GLIS3: variants seen among roughly 807,000 people sequenced by gnomAD.
The protein encoded by GLIS3 is GLIS family zinc finger 3.
GLIS3 carries 53 observed loss-of-function variants against 78.6 expected under a neutral mutation model. The ratio of observed to expected loss-of-function variants is 0.67; its 90% CI spans 0.54 to 0.85. The LOEUF is 0.85. Among genes scored for constraint, GLIS3 ranks in the 40% least tolerant of loss-of-function variants. The probability of loss-of-function intolerance (pLI) is 0.00; values close to 1 mark genes in which losing one functional copy is unlikely to be tolerated. For synonymous variants in GLIS3, 684 were observed against 509.9 expected, an observed-to-expected ratio of 1.34 and a Z score of -4.60; for missense variants, 1,703 against 1,231.1, an observed-to-expected ratio of 1.38 and a Z score of -5.74.
chr9:4,277,179 T>A (rs1418746136), intron 2 of GLIS3, among the ~76,000 whole-genome samples: 1 of 152,166 alleles, frequency 6.6e-6, no homozygotes, highest in South Asian at 2.1e-4. Flanking sequence ...GTTAGCAGAC[T>A]TTTTTCATTG....
intron 2 of GLIS3, among the ~76,000 whole-genome samples, chr9:4,342,709 T>C (rs543375554): frequency 2.6e-5 from 4 of 152,368 alleles, no homozygotes; most frequent in East Asian, 1.9e-4. Context: ...TTTAACAATA[T>C]TGATTCTTCC....
At chr9:4,243,368 A>G (rs1462934382) in intron 2 of GLIS3, among the ~76,000 whole-genome samples, 1 of 142,912 alleles carries the variant, frequency 7.0e-6, no homozygotes, top group African/African-American at 2.6e-5. Context: ...CAGAACCTCC[A>G]TATACATGTT....
At chr9:4,162,642 G>C (rs974247984) in intron 2 of GLIS3, among the ~76,000 whole-genome samples, 2 of 151,916 alleles carry the variant, frequency 1.3e-5, no homozygotes, top group African/African-American at 4.8e-5. Context: ...GGCAGATCAC[G>C]AGGTCAGATC....
At chr9:4,090,009 G>C (rs963780708) in intron 4 of GLIS3, among the ~76,000 whole-genome samples, 6 of 152,162 alleles carry the variant, frequency 3.9e-5, no homozygotes, top group African/African-American at 1.4e-4. Context: ...TCTGCTCCTC[G>C]CTTGCTCCCT....
the GLIS3 span, among the ~76,000 whole-genome samples, chr9:4,408,999 AAAATT>A: frequency 6.6e-6 from 1 of 152,020 alleles, no homozygotes; most frequent in Non-Finnish European, 1.5e-5. Context: ...TAAAAATTAA[AAAATT>A]AAATATATAT....
chr9:4,146,469 T>C (rs1458478328), intron 2 of GLIS3, among the ~76,000 whole-genome samples: 1 of 152,224 alleles, frequency 6.6e-6, no homozygotes, highest in Non-Finnish European at 1.5e-5. Context: ...AGGCTGCCTA[T>C]TGCCAGTCTT....
At chr9:4,469,392 C>G in the GLIS3 span, among the ~76,000 whole-genome samples, 1 of 152,128 alleles carries the variant, frequency 6.6e-6, no homozygotes, top group Non-Finnish European at 1.5e-5. Flanking sequence ...GGAAGTAAAG[C>G]ACTCCTCAGC....
intron 1 of GLIS3, 68 bp downstream of exon 1, chr9:4,299,353 A>G (rs1351193368): frequency 6.6e-6 from 1 of 152,202 alleles, no homozygotes; most frequent in Non-Finnish European, 1.5e-5. Flanking sequence ...TAACTCCCCC[A>G]CACTCTCAAG....
the GLIS3 span, among the ~76,000 whole-genome samples, chr9:4,438,060 T>C: frequency 6.6e-6 from 1 of 152,144 alleles, no homozygotes; most frequent in Non-Finnish European, 1.5e-5. Flanking sequence ...CTTCCTATGT[T>C]TTTCAATGGT....
chr9:4,432,822 G>C, the GLIS3 span, among the ~76,000 whole-genome samples: 1 of 151,702 alleles, frequency 6.6e-6, no homozygotes, highest in African/African-American at 2.4e-5. Context: ...TGTATTTTTA[G>C]TAGAGATGCA....
At chr9:3,907,098 G>A (rs767307045) in intron 6 of GLIS3, among the ~76,000 whole-genome samples, 29 of 152,260 alleles carry the variant, frequency 1.9e-4, no homozygotes, top group Admixed American at 7.2e-4. Context: ...TCCACACTGC[G>A]CCTCTCAGGG....
At chr9:4,331,600 C>A (rs1817686184) in intron 2 of GLIS3, among the ~76,000 whole-genome samples, 2 of 152,188 alleles carry the variant, frequency 1.3e-5, no homozygotes, top group Non-Finnish European at 2.9e-5. Context: ...ATCTATGGAG[C>A]CTGTACTTGA....
At chr9:4,197,137 T>G (rs1239846961) in intron 2 of GLIS3, among the ~76,000 whole-genome samples, 1 of 152,152 alleles carries the variant, frequency 6.6e-6, no homozygotes, top group Non-Finnish European at 1.5e-5. Context: ...TAGATTGTGG[T>G]GCAGTGGGGC....
At chr9:4,288,263 A>C (rs957629438) in intron 1 of GLIS3, among the ~76,000 whole-genome samples, 2 of 152,252 alleles carry the variant, frequency 1.3e-5, no homozygotes, top group African/African-American at 4.8e-5. Flanking sequence ...TCATTGATAA[A>C]ATAGTGTTTT....
chr9:4,200,725 T>G (rs1156415853), intron 2 of GLIS3, among the ~76,000 whole-genome samples: 2 of 152,000 alleles, frequency 1.3e-5, no homozygotes, highest in African/African-American at 4.8e-5. Context: ...CCAGATGGAC[T>G]CACAGGACTC....
intron 2 of GLIS3, among the ~76,000 whole-genome samples, chr9:4,134,386 C>G (rs1346279075): frequency 6.6e-6 from 1 of 152,054 alleles, no homozygotes; most frequent in Non-Finnish European, 1.5e-5. Flanking sequence ...CAAATAAGTC[C>G]CAGATGCTAT....
At chr9:3,981,288 A>G (rs1388986147) in intron 4 of GLIS3, among the ~76,000 whole-genome samples, 1 of 152,212 alleles carries the variant, frequency 6.6e-6, no homozygotes, top group African/African-American at 2.4e-5. Flanking sequence ...CATGAATCAG[A>G]AAGTGAGTTC....
the GLIS3 span, among the ~76,000 whole-genome samples, chr9:4,451,313 T>C: frequency 6.6e-6 from 1 of 152,148 alleles, no homozygotes; most frequent in East Asian, 1.9e-4. Flanking sequence ...CCTAAATATA[T>C]ATAGACCCAA....
the GLIS3 span, among the ~76,000 whole-genome samples, chr9:4,380,889 G>A: frequency 0.012 from 1,805 of 152,234 alleles, 41 homozygotes; most frequent in African/African-American, 0.041. Flanking sequence ...TGTCTCTAAG[G>A]TGGATCCACA....
Sources: allele counts gnomAD v4.1 joint callset (sites outside exome capture counted in the v4.1 genomes callset), GRCh38; gene constraint gnomAD v4.1.1; transcripts MANE v1.5; gene names NCBI Gene and HGNC (gene_info 2026-07-23, HGNC 2026-07-21).